Variants in PCDHA2 observed in about 807,000 individuals in gnomAD.
The protein encoded by PCDHA2 is protocadherin alpha 2, also known as protocadherin alpha-2.
In PCDHA2, 58 loss-of-function variants were observed where a neutral mutation model predicts 66.0. The observed-to-expected ratio is 0.88, with a 90% CI of 0.71 to 1.09. The LOEUF (loss-of-function observed/expected upper bound fraction) is 1.09. Among genes scored for constraint, PCDHA2 ranks in the 50% least tolerant of loss-of-function variants. The probability of loss-of-function intolerance (pLI) is 0.00; values close to 1 mark genes in which losing one functional copy is unlikely to be tolerated. For synonymous variants in PCDHA2, 634 were observed against 554.0 expected (o/e 1.14, Z -2.03); for missense variants, 1,267 against 1,242.3 (o/e 1.02, Z -0.30).
intron 1 of PCDHA2, chr5:140,882,453 G>C: frequency 1.2e-6 from 2 of 1,614,042 alleles, no homozygotes; most frequent in South Asian, 2.2e-5. Flanking sequence ...CTGGTGCCGC[G>C]CCTGTTCCGG....
chr5:140,882,438 C>T (rs782795158), intron 1 of PCDHA2: 5 of 1,614,020 alleles, frequency 3.1e-6, no homozygotes, highest in Non-Finnish European at 4.2e-6. Context: ...CTGGAGCTGG[C>T]GGAGCTGGTG....
At chr5:140,803,275 T>A in intron 1 of PCDHA2, 1 of 1,614,018 alleles carries the variant, frequency 6.2e-7, no homozygotes, top group South Asian at 1.1e-5. Context: ...GAAGCTGCAC[T>A]GGTGGATGTC....
At chr5:140,988,007 A>G (rs2097277966) in intron 3 of PCDHA2, among the ~76,000 whole-genome samples, 1 of 152,230 alleles carries the variant, frequency 6.6e-6, no homozygotes, top group Non-Finnish European at 1.5e-5. Context: ...TTCCCCAGAA[A>G]GAAAGCATGA....
intron 1 of PCDHA2, chr5:140,822,260 G>A: frequency 6.2e-7 from 1 of 1,614,220 alleles, no homozygotes; most frequent in Non-Finnish European, 8.5e-7. Context: ...TTGGATATTG[G>A]AGCAAATGCA....
chr5:140,853,528 C>G, intron 1 of PCDHA2: 1 of 978,674 alleles, frequency 1.0e-6, no homozygotes, highest in South Asian at 4.8e-5. Context: ...CCTCCTATGT[C>G]TCTTTTCAAG....
At chr5:140,922,166 G>A (rs1304025068) in intron 1 of PCDHA2, among the ~76,000 whole-genome samples, 1 of 143,464 alleles carries the variant, frequency 7.0e-6, no homozygotes, top group East Asian at 2.2e-4. Flanking sequence ...ACAACAAAAA[G>A]TACAGCAGAC....
chr5:140,801,202 T>G, intron 1 of PCDHA2: 2 of 1,598,728 alleles, frequency 1.3e-6, no homozygotes, highest in Non-Finnish European at 1.7e-6. Flanking sequence ...CTTGCAATGT[T>G]GTTCTCCTGG....
intron 1 of PCDHA2, among the ~76,000 whole-genome samples, chr5:140,956,898 T>G (rs1554222699): frequency 6.6e-6 from 1 of 152,218 alleles, no homozygotes; most frequent in Admixed American, 6.6e-5. Flanking sequence ...ATGAATATTC[T>G]TAAATGTATA....
intron 3 of PCDHA2, 65 bp downstream of exon 3, chr5:140,982,628 G>T: frequency 6.3e-7 from 1 of 1,578,118 alleles, no homozygotes; most frequent in Non-Finnish European, 8.6e-7. Flanking sequence ...ACCTACTTTT[G>T]TAAGATCAGG....
At chr5:140,826,349 T>A (rs1350879909) in intron 1 of PCDHA2, among the ~76,000 whole-genome samples, 2 of 152,168 alleles carry the variant, frequency 1.3e-5, no homozygotes, top group African/African-American at 4.8e-5. Flanking sequence ...ACCCTTTGTT[T>A]GCCCAAAATA....
rs782025005 is a variant in PCDHA2 at position 140,982,513 on chromosome 5, G to C, written c.2486G>C (p.Gly829Ala). 83 of 1,614,076 alleles carry C rather than the reference G, an allele frequency of 5.1e-5. No homozygotes were observed. The highest frequency in any genetic ancestry group is 6.4e-5 in the Non-Finnish European group (75 of 1,180,040). ...GAGGAGGCTGGCATTCTACGGGCTG[G>C]TCCAGGAGGGCCTGATCAGCAGTGG... The part of the protein sequence containing the change: ...HLEEAGILRA[G>A]PGGPDQQWPT... The change falls in exon 3 of 4, where the codon GGT becomes GCT. Residue 829 changes from glycine (G) to alanine (A), a missense_variant. Transcript: ENST00000526136.
At chr5:140,959,549 A>G (rs1240469168) in intron 1 of PCDHA2, among the ~76,000 whole-genome samples, 1 of 152,248 alleles carries the variant, frequency 6.6e-6, no homozygotes, top group East Asian at 1.9e-4. Flanking sequence ...TGCTGTATAA[A>G]TAGAATCAGT....
In PCDHA2 at chr5:141,011,697, T is replaced by A. The variant is rs1187125634; in HGVS notation, c.*1760T>A. ...TTTTGTTCTAGTAACAATTTTGGAATGAATACTGACAATATTCCATGAGGG... is the reference window on the plus strand; with the variant it reads ...TTTTGTTCTAGTAACAATTTTGGAAAGAATACTGACAATATTCCATGAGGG... On this transcript the variant is annotated 3_prime_UTR_variant, in exon 4 of 4. Transcript: ENST00000526136. 2 of 153,778 alleles carry A rather than the reference T, an allele frequency of 1.3e-5. No homozygotes were observed. Among genetic ancestry groups the A allele is most frequent in the Non-Finnish European group, 2.9e-5 (2 of 68,036 alleles). The allele number at this position is 153,778 out of a possible 1,614,324, so 9.5% of individuals were successfully genotyped here.
At chr5:140,875,561 A>G in intron 1 of PCDHA2, 1 of 1,614,128 alleles carries the variant, frequency 6.2e-7, no homozygotes, top group Non-Finnish European at 8.5e-7. Flanking sequence ...GGGAGCGGCC[A>G]GCTCCACTAC....
intron 1 of PCDHA2, chr5:140,812,147 T>TTGTTGTTGTTGTTG (rs1765043043): frequency 6.6e-6 from 1 of 150,790 alleles, no homozygotes; most frequent in African/African-American, 2.4e-5. Context: ...GTTTTGGGCT[T>TTGTTGTTGTTGTTG]TTGTTGTTGT....
chr5:140,934,915 A>G (rs1324840546), intron 1 of PCDHA2, among the ~76,000 whole-genome samples: 3 of 152,132 alleles, frequency 2.0e-5, no homozygotes, highest in Non-Finnish European at 4.4e-5. Context: ...ATAATTATGG[A>G]TTCACATAAA....
chr5:140,850,398 C>T, intron 1 of PCDHA2: 2 of 1,597,936 alleles, frequency 1.3e-6, no homozygotes, highest in Non-Finnish European at 1.7e-6. Flanking sequence ...CAGCACAACG[C>T]GTGCCCTGGA....
chr5:140,797,654 A>G (rs1554120492), intron 1 of PCDHA2, among the ~76,000 whole-genome samples: 1 of 152,220 alleles, frequency 6.6e-6, no homozygotes, highest in African/African-American at 2.4e-5. Context: ...TCCCATAAAT[A>G]TTTTCTCTCT....
chr5:140,961,336 G>C (rs2095605046), intron 1 of PCDHA2, among the ~76,000 whole-genome samples: 1 of 152,178 alleles, frequency 6.6e-6, no homozygotes, highest in African/African-American at 2.4e-5. Context: ...GAGAGACCAA[G>C]AGTGGATCCC....
Sources: gnomAD v4.1 joint callset for allele counts (sites outside exome capture counted in the v4.1 genomes callset) on GRCh38, gnomAD v4.1.1 for gene constraint, MANE v1.5 for transcripts, NCBI Gene and HGNC (gene_info 2026-07-23, HGNC 2026-07-21) for gene names.